The following EML5 variants were observed in gnomAD, a reference collection of about 807,000 sequenced individuals.
The protein encoded by EML5 is echinoderm microtubule-associated protein-like 5.
A neutral mutation model predicts 250.0 loss-of-function variants in EML5; 120 were observed. The observed-to-expected ratio is 0.48, with a 90% CI of 0.41 to 0.56. The LOEUF (loss-of-function observed/expected upper bound fraction) is 0.56, where lower values mean the gene tolerates loss of function less well. Among genes scored for constraint, EML5 ranks in the 20% least tolerant of loss-of-function variants. The pLI, the probability that EML5 is intolerant of heterozygous loss-of-function variation, is 0.00. For missense variants in EML5, 2,006 were observed against 2,437.6 expected (o/e 0.82, Z 3.73); for synonymous variants, 771 against 806.5 (o/e 0.96, Z 0.75).
chr14:88,623,759 C>G (rs1237657813), intron 36 of EML5: 1 of 152,178 alleles, frequency 6.6e-6, no homozygotes, highest in Non-Finnish European at 1.5e-5. Context: ...TATTCCCTAT[C>G]AGGTGTTAAA....
chr14:88,757,039 GA>G (rs1477165731), intron 1 of EML5, among the ~76,000 whole-genome samples: 1 of 152,094 alleles, frequency 6.6e-6, no homozygotes, highest in African/African-American at 2.4e-5. Context: ...AACAAAGTTG[GA>G]AAAATCACAC....
In EML5 at chr14:88,631,694, C is replaced by T. The variant is rs560718648; in HGVS notation, c.4357+2775G>A. Among the ~76,000 whole-genome samples, 99 of 152,174 alleles carry T rather than the reference C, an allele frequency of 6.5e-4. 1 individual carries two copies. The East Asian group carries it at 0.016, about 24-fold the overall frequency. ...CTGAGGCAGGAGAATTGCTTGAACC[C>T]GGGAGGCAGAGGTTGCAGTGAGCTG... On this transcript the variant is annotated intron_variant, in intron 33 of 43. Transcript: ENST00000554922.
chr14:88,747,285 G>T (rs959362372), intron 2 of EML5, among the ~76,000 whole-genome samples: 3 of 151,978 alleles, frequency 2.0e-5, no homozygotes, highest in Non-Finnish European at 4.4e-5. Flanking sequence ...GGTGACTCAC[G>T]CCTGTAATTC....
rs1043594303 is a variant in EML5 at position 88,644,751 on chromosome 14, C to A, written c.4029-240G>T. The stretch of plus-strand genomic sequence containing the variant: ...TTTGAGACGGAGTCTCACTCTGTCG[C>A]CCATGCTGGAGTGCAGTGGTGCAAT... On this transcript the variant is annotated intron_variant, in intron 29 of 43. Coordinates refer to ENST00000554922, the MANE Select transcript of EML5 (RefSeq NM_183387.3). 8.7e-6 allele frequency: 3 copies of A among 346,566 alleles called. No homozygotes were observed. The South Asian group carries it at 1.2e-4, about 14-fold the overall frequency. The allele number at this position is 346,566 out of a possible 1,614,324, so 21.5% of individuals were successfully genotyped here.
At position 88,687,110 on chromosome 14, in the gene EML5, C is replaced by CAAG; in HGVS notation, c.2854+103_2854+105dup. The CAAG allele has an allele frequency of 4.7e-6, 4 of 843,334 alleles. No homozygotes were observed. The Admixed American group carries it at 1.2e-4, about 26-fold the overall frequency. The allele number at this position is 843,334 out of a possible 1,614,324, so 52.2% of individuals were successfully genotyped here. The stretch of plus-strand genomic sequence containing the variant: ...TCTTCCACTTAATTCTGATGCCCAA[C>CAAG]AAGACGGAAAAATACATGCCATGTG... On this transcript the variant is annotated intron_variant, in intron 19 of 43. Transcript: ENST00000554922.
intron 8 of EML5, among the ~76,000 whole-genome samples, chr14:88,722,690 C>A (rs1355434421): frequency 1.3e-5 from 2 of 151,982 alleles, no homozygotes; most frequent in Non-Finnish European, 2.9e-5. Context: ...GCCTAGTGCT[C>A]CATTACTGGA....
chr14:88,616,347 G>A, intron 42 of EML5, 105 bp from the exon 43 acceptor site: 1 of 1,141,894 alleles, frequency 8.8e-7, no homozygotes, highest in Non-Finnish European at 1.3e-6. Context: ...GAGAGAGTAG[G>A]GAGTTAGCAC....
intron 27 of EML5, among the ~76,000 whole-genome samples, chr14:88,652,513 G>C (rs1212852029): frequency 1.3e-5 from 2 of 152,046 alleles, no homozygotes; most frequent in Non-Finnish European, 2.9e-5. Context: ...CTATCTCTCT[G>C]AGTTCCAAAA....
intron 1 of EML5, among the ~76,000 whole-genome samples, chr14:88,767,171 G>A (rs1247722861): frequency 6.6e-6 from 1 of 152,142 alleles, no homozygotes; most frequent in Non-Finnish European, 1.5e-5. Flanking sequence ...TTAGGTTCAA[G>A]GTACATATCC....
At chr14:88,733,676 C>A (rs1431309556) in intron 7 of EML5, among the ~76,000 whole-genome samples, 1 of 152,048 alleles carries the variant, frequency 6.6e-6, no homozygotes, top group African/African-American at 2.4e-5. Context: ...ATCTCCCATC[C>A]CCCAAAAATA....
At chr14:88,695,920 G>A (rs769511389) in intron 15 of EML5, among the ~76,000 whole-genome samples, 2 of 151,936 alleles carry the variant, frequency 1.3e-5, no homozygotes, top group Non-Finnish European at 2.9e-5. Context: ...TTTTAGTAAA[G>A]GTCAATCATT....
Position 88,792,594 on chromosome 14 carries a change from C to G in EML5, c.-91G>C, listed in dbSNP as rs2094622404. On this transcript the variant is annotated 5_prime_UTR_variant, in exon 1 of 44. Transcript: ENST00000554922. The surrounding 1 kb of genome is among the most constrained non-coding windows in gnomAD (Gnocchi z 6.9). ...GCAACGAAAGCCCTCCCGCTGGCTGCCGGGACTTCCCGCCAGCCGCGTCCT... is the reference window on the plus strand; with the variant it reads ...GCAACGAAAGCCCTCCCGCTGGCTGGCGGGACTTCCCGCCAGCCGCGTCCT... 1 of 1,187,630 alleles carries G rather than the reference C, an allele frequency of 8.4e-7. No individual in the cohort carries two copies. Among genetic ancestry groups the G allele is most frequent in the African/African-American group, 1.6e-5 (1 of 62,420 alleles). The allele number at this position is 1,187,630 out of a possible 1,614,324, so 73.6% of individuals were successfully genotyped here.
At chr14:88,769,182 G>A (rs1045539017) in intron 1 of EML5, among the ~76,000 whole-genome samples, 2 of 152,200 alleles carry the variant, frequency 1.3e-5, no homozygotes, top group Admixed American at 6.5e-5. Flanking sequence ...ATGTTGAAAT[G>A]TAATCCCCAA....
intron 2 of EML5, among the ~76,000 whole-genome samples, chr14:88,750,102 CAA>C (rs1334766053): frequency 6.6e-6 from 1 of 152,152 alleles, no homozygotes; most frequent in East Asian, 1.9e-4. Context: ...AAATGGCCCA[CAA>C]AGTTTAAAAT....
At chr14:88,730,635 G>C (rs143531992) in intron 7 of EML5, among the ~76,000 whole-genome samples, 1 of 152,296 alleles carries the variant, frequency 6.6e-6, no homozygotes, top group East Asian at 1.9e-4. Flanking sequence ...AGATGTTACA[G>C]ATACTACTCA....
chr14:88,668,638 G>C (rs1446982478), intron 21 of EML5, among the ~76,000 whole-genome samples: 1 of 152,086 alleles, frequency 6.6e-6, no homozygotes, highest in East Asian at 1.9e-4. Context: ...CTACAAAAGA[G>C]GGAAGAGAAA....
intron 30 of EML5, among the ~76,000 whole-genome samples, chr14:88,643,884 G>T (rs116757653): frequency 6.6e-6 from 1 of 152,108 alleles, no homozygotes; most frequent in Non-Finnish European, 1.5e-5. Context: ...ACAGCTTTAC[G>T]CCTTGTTTAC....
intron 23 of EML5, among the ~76,000 whole-genome samples, chr14:88,663,746 G>A (rs932904566): frequency 6.6e-6 from 1 of 150,912 alleles, no homozygotes; most frequent in African/African-American, 2.4e-5. Flanking sequence ...TGTTGCCCAG[G>A]CTGGTCTCAA....
At chr14:88,778,289 C>G (rs2094465599) in intron 1 of EML5, among the ~76,000 whole-genome samples, 1 of 152,114 alleles carries the variant, frequency 6.6e-6, no homozygotes, top group African/African-American at 2.4e-5. Flanking sequence ...TCTTACTTAT[C>G]AATAACAATA....
Sources: allele counts gnomAD v4.1 joint callset (sites outside exome capture counted in the v4.1 genomes callset), GRCh38; gene constraint gnomAD v4.1.1; non-coding constraint Gnocchi (gnomAD v3.1); transcripts MANE v1.5; gene names NCBI Gene and HGNC (gene_info 2026-07-23, HGNC 2026-07-21).